Variants in REPS1 observed in about 807,000 individuals in gnomAD.
REPS1 encodes ralBP1-associated Eps domain-containing protein 1.
A neutral mutation model predicts 100.9 loss-of-function variants in REPS1; 39 were observed. The observed-to-expected ratio is 0.39, with a 90% CI of 0.30 to 0.50. REPS1 has a LOEUF of 0.50. Among genes scored for constraint, REPS1 ranks in the 20% least tolerant of loss-of-function variants. The probability of loss-of-function intolerance (pLI) is 0.86; values close to 1 mark genes in which losing one functional copy is unlikely to be tolerated. For missense variants in REPS1, 821 were observed against 968.5 expected (o/e 0.85, Z 2.02); for synonymous variants, 324 against 340.3 (o/e 0.95, Z 0.53).
chr6:138,960,506 A>AC, intron 1 of REPS1, among the ~76,000 whole-genome samples: 1 of 152,298 alleles, frequency 6.6e-6, no homozygotes, highest in South Asian at 2.1e-4. Context: ...CTGAAAAAAA[A>AC]AAATCAAGTG....
chr6:138,911,494 A>G, intron 16 of REPS1, 123 bp from the exon 17 acceptor site: 3 of 689,704 alleles, frequency 4.3e-6, no homozygotes, highest in South Asian at 1.9e-5. Flanking sequence ...AGATGATGAT[A>G]AGAAACTTGA....
intron 17 of REPS1, among the ~76,000 whole-genome samples, chr6:138,910,618 T>C (rs1779943028): frequency 6.6e-6 from 1 of 152,190 alleles, no homozygotes; most frequent in South Asian, 2.1e-4. Context: ...ACTCTCAAAG[T>C]GCTGGGATTA....
intron 17 of REPS1, among the ~76,000 whole-genome samples, chr6:138,910,381 G>T (rs1003627276): frequency 2.6e-5 from 4 of 152,082 alleles, no homozygotes; most frequent in Admixed American, 1.3e-4. Context: ...TTGAGACAGG[G>T]TCTCACTCTG....
chr6:138,908,931 T>C (rs1390668102), intron 17 of REPS1, 115 bp from the exon 18 acceptor site: 8 of 890,322 alleles, frequency 9.0e-6, no homozygotes, highest in African/African-American at 5.1e-5. Flanking sequence ...TGAAAGTTAC[T>C]TGTCCTACTT....
chr6:138,926,648 T>C lies in REPS1; in HGVS notation c.1258-167A>G, dbSNP rs546814984. ...TTCCGTCAACATTTTATATTTATTCTGGGTCACTTGTAATGTAAGGTGAGG... is the reference window on the plus strand; with the variant it reads ...TTCCGTCAACATTTTATATTTATTCCGGGTCACTTGTAATGTAAGGTGAGG... On this transcript the variant is annotated intron_variant, in intron 9 of 19. Coordinates refer to ENST00000450536, the MANE Select transcript of REPS1 (RefSeq NM_001286611.2). 1.2e-5 allele frequency: 7 copies of C among 579,724 alleles called. No homozygotes were observed. In the East Asian group the frequency reaches 1.8e-4, roughly 15 times the overall value. The allele number at this position is 579,724 out of a possible 1,614,324, so 35.9% of individuals were successfully genotyped here.
rs1242798400 is a variant in REPS1 at position 138,945,486 on chromosome 6, C to T, written c.474+15G>A. On this transcript the variant is annotated intron_variant, in intron 3 of 19. Transcript: ENST00000450536. ...ACAGGGCATCAACTGCTAATATTTACATGCATGTGATTACCTGTGCATCTG... is the reference window on the plus strand; with the variant it reads ...ACAGGGCATCAACTGCTAATATTTATATGCATGTGATTACCTGTGCATCTG... 4.4e-6 allele frequency: 7 copies of T among 1,589,404 alleles called. No individual in the cohort carries two copies. Among genetic ancestry groups the T allele is most frequent in the Admixed American group, 1.8e-5 (1 of 56,792 alleles).
rs1785371300 is a variant in REPS1 at position 138,987,883 on chromosome 6, C to A, written c.-201G>T. 4.2e-6 allele frequency: 2 copies of A among 477,516 alleles called. No individual in the cohort carries two copies. The highest frequency in any genetic ancestry group is 6.0e-4 in the Middle Eastern group (1 of 1,660). The allele number at this position is 477,516 out of a possible 1,614,324, so 29.6% of individuals were successfully genotyped here. On this transcript the variant is annotated 5_prime_UTR_variant, in exon 1 of 20. Transcript: ENST00000450536. ...GGAGGGGGCCCGGCTGCGCTCGCCG[C>A]GCCGCTGCCTGCGAGGCCCGGCGCG...
At chr6:138,945,475 G>C in intron 3 of REPS1, 26 bp downstream of exon 3, 1 of 1,585,398 alleles carries the variant, frequency 6.3e-7, no homozygotes, top group Non-Finnish European at 8.6e-7. Flanking sequence ...GGCATCAACT[G>C]CTAATATTTA....
chr6:138,943,791 G>A, intron 6 of REPS1, 62 bp downstream of exon 6: 1 of 1,363,682 alleles, frequency 7.3e-7, no homozygotes, highest in Non-Finnish European at 1.0e-6. Context: ...CAATGTCTTT[G>A]ATATTATGAA....
At chr6:138,907,169 T>C (rs896416475) in intron 19 of REPS1, among the ~76,000 whole-genome samples, 2 of 152,060 alleles carry the variant, frequency 1.3e-5, no homozygotes, top group African/African-American at 2.4e-5. Flanking sequence ...GAGTTGTCTT[T>C]GATAAAAGGA....
chr6:138,948,589 A>C (rs1377546450), intron 1 of REPS1, among the ~76,000 whole-genome samples: 1 of 152,224 alleles, frequency 6.6e-6, no homozygotes, highest in East Asian at 1.9e-4. Flanking sequence ...TAGCACAAGT[A>C]AATATTAGAC....
chr6:138,987,850 G>C lies in REPS1; in HGVS notation c.-168C>G. On this transcript the variant is annotated 5_prime_UTR_variant, in exon 1 of 20. Transcript: ENST00000450536. ...GTGCGCCCGAGCAACAGGGCCCGGA[G>C]GTCGCGAGGAGGGGGCCCGGCTGCG... 1.3e-6 allele frequency: 1 copy of C among 748,674 alleles called. No individual in the cohort carries two copies. The highest frequency in any genetic ancestry group is 4.4e-5 in the Admixed American group (1 of 22,898). The allele number at this position is 748,674 out of a possible 1,614,324, so 46.4% of individuals were successfully genotyped here. A position where few individuals can be genotyped will look rare whatever the true frequency, so the allele number is the denominator to read the frequency against.
intron 8 of REPS1, among the ~76,000 whole-genome samples, chr6:138,934,648 T>G (rs145355496): frequency 0.012 from 1,898 of 152,324 alleles, 56 homozygotes; most frequent in African/African-American, 0.042. Flanking sequence ...TTTCTTAGTA[T>G]TATACTTGAT....
At chr6:138,939,853 G>A (rs552368161) in intron 8 of REPS1, among the ~76,000 whole-genome samples, 3 of 149,390 alleles carry the variant, frequency 2.0e-5, no homozygotes, top group African/African-American at 7.7e-5. Context: ...AGAGGCTGAC[G>A]CTTCACAACT....
Position 138,963,269 on chromosome 6 carries a change from G to A in REPS1, c.154-15356C>T, listed in dbSNP as rs971878386. 9.9e-5 allele frequency among the ~76,000 whole-genome samples: 15 copies of A among 152,136 alleles called. No homozygotes were observed. The South Asian group carries it at 2.9e-3, about 30-fold the overall frequency. ...CTTTTCTTTCTCTGTGCTAGTACCC[G>A]AACTTTTACCATTTGAGTTACTAGT... On this transcript the variant is annotated intron_variant, in intron 1 of 19. Transcript: ENST00000450536.
chr6:138,955,267 T>C (rs1159944008), intron 1 of REPS1, among the ~76,000 whole-genome samples: 2 of 151,900 alleles, frequency 1.3e-5, no homozygotes, highest in South Asian at 2.1e-4. Flanking sequence ...CTGGGCAACA[T>C]GGTGAGACCC....
intron 8 of REPS1, among the ~76,000 whole-genome samples, chr6:138,935,365 T>C (rs1490386466): frequency 6.6e-6 from 1 of 152,202 alleles, no homozygotes; most frequent in Non-Finnish European, 1.5e-5. Context: ...GACTCAATTA[T>C]TATAGTTCAA....
intron 1 of REPS1, among the ~76,000 whole-genome samples, chr6:138,972,229 G>A (rs1162956243): frequency 1.3e-5 from 2 of 152,124 alleles, no homozygotes; most frequent in Non-Finnish European, 2.9e-5. Flanking sequence ...TTTGAAAAGG[G>A]GGGCGGAATA....
intron 12 of REPS1, 34 bp downstream of exon 12, chr6:138,920,181 A>G (rs1437222532): frequency 2.7e-6 from 3 of 1,123,430 alleles, no homozygotes; most frequent in Non-Finnish European, 4.1e-6. Context: ...CAGACTTAGT[A>G]AACTTCAAAT....
Sources: allele counts gnomAD v4.1 joint callset (sites outside exome capture counted in the v4.1 genomes callset), GRCh38; gene constraint gnomAD v4.1.1; transcripts MANE v1.5; gene names NCBI Gene and HGNC (gene_info 2026-07-23, HGNC 2026-07-21).